LNPEP: variants seen among roughly 807,000 people sequenced by gnomAD.
LNPEP encodes the protein leucyl and cystinyl aminopeptidase, also known as leucyl-cystinyl aminopeptidase.
LNPEP carries 64 observed loss-of-function variants against 120.6 expected under a neutral mutation model. That is an observed-to-expected ratio of 0.53 (90% CI 0.43 to 0.65). The LOEUF (loss-of-function observed/expected upper bound fraction) is 0.65. Among genes scored for constraint, LNPEP ranks in the 30% least tolerant of loss-of-function variants. LNPEP has a pLI of 0.00. For synonymous variants in LNPEP, 435 were observed against 425.4 expected (o/e 1.02, Z -0.28); for missense variants, 1,057 against 1,200.0 (o/e 0.88, Z 1.76).
chr5:97,024,699 G>A lies in LNPEP; in HGVS notation c.2723+17G>A. The A allele has an allele frequency of 6.2e-7, 1 of 1,607,702 alleles. No homozygotes were observed. Among genetic ancestry groups the A allele is most frequent in the Non-Finnish European group, 8.5e-7 (1 of 1,176,478 alleles). ...GCTTTACTGGTATGAAATCACCGAG[G>A]AATATGATATACAGAAACCAAAAGA... On this transcript the variant is annotated intron_variant, in intron 15 of 17. Transcript: ENST00000231368.
intron 13 of LNPEP, among the ~76,000 whole-genome samples, chr5:97,021,845 C>CTT (rs80051253): frequency 1.4e-5 from 2 of 143,646 alleles, no homozygotes; most frequent in Non-Finnish European, 3.0e-5. Context: ...ATATCTATGC[C>CTT]TTTTTTTTTC....
In LNPEP at chr5:96,954,695, C is replaced by CAT. The variant is rs558388146; in HGVS notation, c.19+18527_19+18528dup. On this transcript the variant is annotated intron_variant, in intron 1 of 17. Transcript: ENST00000231368. Reference sequence around the variant, plus strand: ...ATATACACATATATACATATATACACATATATACATATATACACATATATA... The same window carrying CAT: ...ATATACACATATATACATATATACACATATATATACATATATACACATATATA... Among the ~76,000 whole-genome samples the CAT allele has an allele frequency of 1.3e-3, 61 of 47,026 alleles. 1 individual carries two copies. Among genetic ancestry groups the CAT allele is most frequent in the African/African-American group, 4.4e-3 (52 of 11,932 alleles). The allele number at this position is 47,026 out of a possible 152,430, so 30.9% of individuals were successfully genotyped here. A position where few individuals can be genotyped will look rare whatever the true frequency, so the allele number is the denominator to read the frequency against.
chr5:97,021,625 A>G (rs1791198806), intron 13 of LNPEP, among the ~76,000 whole-genome samples: 1 of 152,220 alleles, frequency 6.6e-6, no homozygotes, highest in South Asian at 2.1e-4. Context: ...AGCAGTGGTT[A>G]TAAGTGATAC....
intron 1 of LNPEP, among the ~76,000 whole-genome samples, chr5:96,973,175 T>G (rs1035217138): frequency 6.6e-6 from 1 of 152,170 alleles, no homozygotes. Flanking sequence ...CATCTAAACT[T>G]GTAACTTCTC....
chr5:97,028,184 G>A (rs1791392128), intron 17 of LNPEP, among the ~76,000 whole-genome samples: 1 of 152,170 alleles, frequency 6.6e-6, no homozygotes, highest in Non-Finnish European at 1.5e-5. Flanking sequence ...ATGTATCTGT[G>A]TGGGAGTAAA....
intron 2 of LNPEP, among the ~76,000 whole-genome samples, chr5:96,984,615 T>C (rs1404988716): frequency 6.6e-6 from 1 of 152,244 alleles, no homozygotes; most frequent in Non-Finnish European, 1.5e-5. Flanking sequence ...GGTGGGCTTT[T>C]GTTAAATTCC....
intron 11 of LNPEP, among the ~76,000 whole-genome samples, chr5:97,010,006 G>A (rs562908332): frequency 4.6e-5 from 7 of 152,026 alleles, no homozygotes; most frequent in Non-Finnish European, 8.8e-5. Flanking sequence ...AAGGGTTGTT[G>A]GGTTAGTTCA....
chr5:96,996,756 T>G (rs1790524461), intron 7 of LNPEP, among the ~76,000 whole-genome samples: 1 of 152,114 alleles, frequency 6.6e-6, no homozygotes, highest in Admixed American at 6.6e-5. Context: ...AAGATGAACA[T>G]TTTAAATTGT....
intron 1 of LNPEP, among the ~76,000 whole-genome samples, chr5:96,969,914 A>G (rs141622059): frequency 5.7e-4 from 86 of 151,654 alleles, no homozygotes; most frequent in African/African-American, 2.0e-3. Context: ...CAAATATTTT[A>G]TATATTCCTT....
In LNPEP at chr5:97,015,070, A is replaced by G; in HGVS notation, c.2351A>G (p.Tyr784Cys). The change falls in exon 13 of 18, where the codon TAC becomes TGC. Residue 784 changes from tyrosine (Y) to cysteine (C), a missense_variant. Physicochemically the swap from Tyr to Cys is radical, Grantham distance 194. Coordinates refer to ENST00000231368, the MANE Select transcript of LNPEP (RefSeq NM_005575.3). ...LIYNLLEKLG[Y>C]MDLASRLVTR... ...TATAACCTCCTTGAAAAACTGGGAT[A>G]CATGGATCTGGCCTCAAGACTGGTG... The G allele has an allele frequency of 6.3e-7, 1 of 1,590,590 alleles. No individual in the cohort carries two copies. Among genetic ancestry groups the G allele is most frequent in the Non-Finnish European group, 8.6e-7 (1 of 1,169,556 alleles).
intron 1 of LNPEP, among the ~76,000 whole-genome samples, chr5:96,946,981 T>G (rs1187709347): frequency 6.6e-6 from 1 of 152,242 alleles, no homozygotes; most frequent in Non-Finnish European, 1.5e-5. Context: ...AGATACTCAT[T>G]ATGTCTAATG....
rs373744078 is a variant in LNPEP, at chr5:97,027,857, C to T, written c.2946+43C>T. 1.9e-5 allele frequency: 22 copies of T among 1,162,978 alleles called. No individual in the cohort carries two copies. In the African/African-American group the frequency reaches 2.0e-4, roughly 10 times the overall value. The allele number at this position is 1,162,978 out of a possible 1,614,324, so 72.0% of individuals were successfully genotyped here. On this transcript the variant is annotated intron_variant, in intron 17 of 17. Transcript: ENST00000231368. Reference sequence around the variant, plus strand: ...ATAATACAGAGACTGGGCAACCCTCCGCACACCCGGACCAGGCTGCTCAGT... The same window carrying T: ...ATAATACAGAGACTGGGCAACCCTCTGCACACCCGGACCAGGCTGCTCAGT...
At chr5:97,023,866 C>G (rs1791274076) in intron 14 of LNPEP, among the ~76,000 whole-genome samples, 1 of 152,128 alleles carries the variant, frequency 6.6e-6, no homozygotes, top group South Asian at 2.1e-4. Context: ...CCAACACTTG[C>G]CATTTTCTGG....
intron 15 of LNPEP, 102 bp downstream of exon 15, chr5:97,024,784 T>G: frequency 9.4e-7 from 1 of 1,058,804 alleles, no homozygotes; most frequent in South Asian, 1.6e-5. Flanking sequence ...TTTCCCCACT[T>G]CTGTTACAGG....
chr5:97,017,433 ACT>A (rs1791092615), intron 13 of LNPEP, among the ~76,000 whole-genome samples: 1 of 150,726 alleles, frequency 6.6e-6, no homozygotes, highest in South Asian at 2.1e-4. Context: ...GCTTTTTTTT[ACT>A]CTCTTAATGA....
intron 1 of LNPEP, among the ~76,000 whole-genome samples, chr5:96,975,904 G>C (rs1205514224): frequency 6.6e-6 from 1 of 152,150 alleles, no homozygotes; most frequent in African/African-American, 2.4e-5. Flanking sequence ...AGTTCTCTTA[G>C]ATTATAACCA....
chr5:96,965,133 T>C (rs1895444), intron 1 of LNPEP, among the ~76,000 whole-genome samples: 1 of 152,264 alleles, frequency 6.6e-6, no homozygotes, highest in East Asian at 1.9e-4. Context: ...TTATTGTTAA[T>C]GGGTATGAAA....
rs1240048836 is a variant in LNPEP, at chr5:96,954,768, ATATATTTT to A, written c.19+18596_19+18603del. ...TATACACATATATATATATATATATATATATTTTTTTTTTTTTTTTTTTTTTTTTTTTG... is the reference window on the plus strand; with the variant it reads ...TATACACATATATATATATATATATATTTTTTTTTTTTTTTTTTTTTTTTG... On this transcript the variant is annotated intron_variant, in intron 1 of 17. Transcript: ENST00000231368. Among the ~76,000 whole-genome samples the A allele has an allele frequency of 2.4e-3, 88 of 36,096 alleles. 10 individuals carry two copies. Among genetic ancestry groups the A allele is most frequent in the African/African-American group, 8.3e-3 (83 of 10,024 alleles). 23.7% of individuals were successfully genotyped at this position (36,096 alleles called of 152,430 possible). A position where few individuals can be genotyped will look rare whatever the true frequency, so the allele number is the denominator to read the frequency against.
In LNPEP at chr5:97,003,451, A is replaced by C; in HGVS notation, c.1690A>C (p.Ser564Arg). 3 of 1,592,028 alleles carry C rather than the reference A, an allele frequency of 1.9e-6. No homozygotes were observed. The highest frequency in any genetic ancestry group is 2.6e-6 in the Non-Finnish European group (3 of 1,165,410). ...SLLLMLKTYL[S>R]EDVFQHAVVL... Reference sequence around the variant, plus strand: ...CTTGTTGATGTTGAAAACTTACCTTAGTGAAGATGTGTTTCAACATGCTGT... The same window carrying C: ...CTTGTTGATGTTGAAAACTTACCTTCGTGAAGATGTGTTTCAACATGCTGT... Residue 564 changes from serine to arginine, a missense_variant, in exon 9 of 18, where the codon AGT (serine) becomes CGT (arginine). Ser to Arg is a moderately radical substitution (Grantham distance 110). Coordinates refer to ENST00000231368, the MANE Select transcript of LNPEP (RefSeq NM_005575.3).
Sources: gnomAD v4.1 joint callset for allele counts (sites outside exome capture counted in the v4.1 genomes callset) on GRCh38, gnomAD v4.1.1 for gene constraint, MANE v1.5 for transcripts, NCBI Gene and HGNC (gene_info 2026-07-23, HGNC 2026-07-21) for gene names.